The following ATL2 variants were observed in gnomAD, a reference collection of about 807,000 sequenced individuals.
ATL2 encodes the protein atlastin GTPase 2.
Under a neutral mutation model 73.9 loss-of-function variants are expected in ATL2, and 31 were observed. The observed-to-expected ratio is 0.42, with a 90% CI of 0.32 to 0.57. The LOEUF is 0.57. ATL2 is among the 20% of genes least tolerant of loss of function. The probability of loss-of-function intolerance (pLI) is 0.14; values close to 1 mark genes in which losing one functional copy is unlikely to be tolerated. For synonymous variants in ATL2, 291 were observed against 237.5 expected (o/e 1.23, Z -2.07); for missense variants, 738 against 702.6 (o/e 1.05, Z -0.57).
chr2:38,357,459 A>C (rs888345154), intron 1 of ATL2, among the ~76,000 whole-genome samples: 1 of 151,790 alleles, frequency 6.6e-6, no homozygotes, highest in African/African-American at 2.4e-5. Context: ...GAAAAAAAAA[A>C]AAGAAGTAGC....
intron 1 of ATL2, among the ~76,000 whole-genome samples, chr2:38,371,757 A>T (rs1022505340): frequency 1.3e-5 from 2 of 151,846 alleles, no homozygotes; most frequent in Admixed American, 1.3e-4. Flanking sequence ...AATTAGCTGG[A>T]CGTGGTGGCA....
At chr2:38,376,136 T>C (rs1311904318) in intron 1 of ATL2, 4 of 1,530,476 alleles carry the variant, frequency 2.6e-6, no homozygotes, top group Admixed American at 4.1e-5. Flanking sequence ...GCTTTTACTA[T>C]TTATAAGCCT....
chr2:38,321,876 C>G (rs1346565088), intron 2 of ATL2, among the ~76,000 whole-genome samples: 2 of 152,048 alleles, frequency 1.3e-5, no homozygotes. Flanking sequence ...CCACACCTGG[C>G]TGATTTTGGT....
chr2:38,296,761 G>C (rs1666917928), intron 12 of ATL2: 1 of 1,550,060 alleles, frequency 6.5e-7, no homozygotes, highest in Non-Finnish European at 8.7e-7. Flanking sequence ...ACACAGCACA[G>C]ATCTCTGACT....
At position 38,339,000 on chromosome 2, in the gene ATL2, G is replaced by A. The variant is rs149262866; in HGVS notation, c.363+4268C>T. ...GAGGCTGAGGCGGGCAGAATCACCT[G>A]AGGTCAGGAGTTTGAGACCAGCCTA... is the stretch of plus-strand genomic sequence containing the variant. On this transcript the variant is annotated intron_variant, in intron 2 of 12. Transcript: ENST00000378954. Among the ~76,000 whole-genome samples the A allele has an allele frequency of 1.8e-3, 275 of 152,224 alleles. 3 individuals are homozygous for A. Among genetic ancestry groups the A allele is most frequent in the African/African-American group, 6.4e-3 (264 of 41,536 alleles).
chr2:38,357,791 ATTCAAG>A (rs1295262752), intron 1 of ATL2, among the ~76,000 whole-genome samples: 1 of 152,202 alleles, frequency 6.6e-6, no homozygotes, highest in African/African-American at 2.4e-5. Context: ...ACATGACAAC[ATTCAAG>A]TTCTAGTACA....
rs1331492487 is a variant in ATL2, at chr2:38,339,459, G to GA, written c.363+3808dup. On this transcript the variant is annotated intron_variant, in intron 2 of 12. Transcript: ENST00000378954. ...ATGAATCACACTAATGATAACATTA[G>GA]AAGAAACTAGGTAAAGGATTCAGGT... Among the ~76,000 whole-genome samples the GA allele has an allele frequency of 2.0e-5, 3 of 152,160 alleles. No homozygotes were observed. The South Asian group carries it at 6.2e-4, about 32-fold the overall frequency.
chr2:38,324,265 C>T (rs1668481109), intron 2 of ATL2, among the ~76,000 whole-genome samples: 1 of 152,052 alleles, frequency 6.6e-6, no homozygotes, highest in African/African-American at 2.4e-5. Context: ...GCAACAAAAG[C>T]GAAACTCAGT....
In ATL2 at chr2:38,361,122, G is replaced by T. The variant is rs185951180; in HGVS notation, c.118+16021C>A. 2.8e-4 allele frequency among the ~76,000 whole-genome samples: 42 copies of T among 152,194 alleles called. No individual in the cohort carries two copies. The East Asian group carries it at 7.5e-3, about 27-fold the overall frequency. ...TAATCCCAGCACTTTGGGAGGCCGA[G>T]GCAGGTGGATCACGAGGTCAGGAGA... On this transcript the variant is annotated intron_variant, in intron 1 of 12. Transcript: ENST00000378954.
chr2:38,318,378 G>C (rs983693359), intron 4 of ATL2, 157 bp downstream of exon 4: 5 of 462,094 alleles, frequency 1.1e-5, no homozygotes, highest in East Asian at 3.5e-5. Context: ...ACTCGGGTTA[G>C]GAGAATGAAC....
intron 2 of ATL2, among the ~76,000 whole-genome samples, chr2:38,328,805 G>A (rs1668812283): frequency 2.6e-5 from 4 of 151,760 alleles, no homozygotes; most frequent in Admixed American, 2.6e-4. Flanking sequence ...AAAGTAAGAT[G>A]AATAAAATCA....
chr2:38,309,156 T>C (rs1464503504), intron 9 of ATL2, among the ~76,000 whole-genome samples: 1 of 152,152 alleles, frequency 6.6e-6, no homozygotes, highest in East Asian at 1.9e-4. Context: ...AAAAGTAAGA[T>C]AATTCTGTAA....
chr2:38,299,481 A>G (rs1005395287), intron 10 of ATL2, among the ~76,000 whole-genome samples, 154 bp from the exon 11 acceptor site: 1 of 152,192 alleles, frequency 6.6e-6, no homozygotes, highest in Admixed American at 6.5e-5. Context: ...GAACGTTGGT[A>G]TAAAGGATAT....
intron 1 of ATL2, among the ~76,000 whole-genome samples, chr2:38,344,975 T>G (rs1215986859): frequency 6.6e-6 from 1 of 152,170 alleles, no homozygotes; most frequent in Non-Finnish European, 1.5e-5. Flanking sequence ...GACGAAGAAG[T>G]ACAGAGAATG....
At chr2:38,365,134 T>TACAC (rs541325892) in intron 1 of ATL2, among the ~76,000 whole-genome samples, 5,815 of 132,686 alleles carry the variant, frequency 0.044, 145 homozygotes, top group African/African-American at 0.067. Flanking sequence ...AAGGGAATCA[T>TACAC]ACACACACAC....
In ATL2 at chr2:38,294,621, C is replaced by T. The variant is rs1666791040; in HGVS notation, c.*1373G>A. 6.8e-6 allele frequency among the ~76,000 whole-genome samples: 1 copy of T among 146,136 alleles called. No homozygotes were observed. Among genetic ancestry groups the T allele is most frequent in the East Asian group, 2.0e-4 (1 of 5,096 alleles). On this transcript the variant is annotated 3_prime_UTR_variant, in exon 13 of 13. Transcript: ENST00000378954. ...AGACCACAAAAGTACTGAAAAAATG[C>T]TAGCCTTACATATACCACCAAAAAA...
At chr2:38,299,100 G>C (rs1264050006) in intron 11 of ATL2, among the ~76,000 whole-genome samples, 156 bp downstream of exon 11, 2 of 151,900 alleles carry the variant, frequency 1.3e-5, no homozygotes, top group Non-Finnish European at 2.9e-5. Flanking sequence ...TTTTCTTATA[G>C]TTTATTTCCA....
At chr2:38,329,611 C>T (rs1156757950) in intron 2 of ATL2, among the ~76,000 whole-genome samples, 1 of 151,660 alleles carries the variant, frequency 6.6e-6, no homozygotes, top group African/African-American at 2.4e-5. Context: ...AAGTATTACC[C>T]TAATACCAAA....
At chr2:38,296,260 TTA>T in intron 12 of ATL2, 147 bp from the exon 13 acceptor site, 1 of 1,434,726 alleles carries the variant, frequency 7.0e-7, no homozygotes, top group South Asian at 1.5e-5. Context: ...TCAAAAAAAC[TTA>T]TGATGCTACT....
Sources: allele counts gnomAD v4.1 joint callset (sites outside exome capture counted in the v4.1 genomes callset), GRCh38; gene constraint gnomAD v4.1.1; transcripts MANE v1.5; gene names NCBI Gene and HGNC (gene_info 2026-07-23, HGNC 2026-07-21).